ARMC3: variants seen among roughly 807,000 people sequenced by gnomAD.
ARMC3 encodes the protein armadillo repeat containing 3.
ARMC3 carries 74 observed loss-of-function variants against 90.3 expected under a neutral mutation model. That is an observed-to-expected ratio of 0.82 (90% CI 0.68 to 0.99). ARMC3 has a LOEUF of 0.99. ARMC3 is among the 50% of genes least tolerant of loss of function. The pLI, the probability that ARMC3 is intolerant of heterozygous loss-of-function variation, is 0.00. For synonymous variants in ARMC3, 334 were observed against 361.8 expected (o/e 0.92, Z 0.87); for missense variants, 958 against 1,042.8 (o/e 0.92, Z 1.12).
At chr10:23,031,907 C>A (rs1838937282) in intron 17 of ARMC3, among the ~76,000 whole-genome samples, 1 of 151,790 alleles carries the variant, frequency 6.6e-6, no homozygotes. Flanking sequence ...TTTTTTAAAT[C>A]ATTGTTCTTC....
intron 10 of ARMC3, among the ~76,000 whole-genome samples, chr10:22,982,330 C>A (rs7083069): frequency 0.21 from 32,070 of 152,138 alleles, 3,840 homozygotes; most frequent in African/African-American, 0.32. Context: ...GTGAGCCGAG[C>A]TCGTGCCATT....
intron 3 of ARMC3, among the ~76,000 whole-genome samples, chr10:22,951,125 G>T (rs774866730): frequency 2.0e-5 from 3 of 152,092 alleles, no homozygotes; most frequent in African/African-American, 4.8e-5. Context: ...TTTTAGTAGA[G>T]ACAGGGTTTC....
At chr10:22,991,578 A>G (rs1836711110) in intron 10 of ARMC3, among the ~76,000 whole-genome samples, 1 of 152,016 alleles carries the variant, frequency 6.6e-6, no homozygotes, top group South Asian at 2.1e-4. Flanking sequence ...CCTACATTTC[A>G]GTCAGGGAGG....
At chr10:22,935,959 C>T (rs1365567929) in intron 2 of ARMC3, among the ~76,000 whole-genome samples, 1 of 152,112 alleles carries the variant, frequency 6.6e-6, no homozygotes, top group East Asian at 1.9e-4. Flanking sequence ...TGATCTGGGA[C>T]CACTGATGTA....
chr10:22,943,418 T>C (rs1834399849), intron 2 of ARMC3, among the ~76,000 whole-genome samples: 1 of 152,198 alleles, frequency 6.6e-6, no homozygotes, highest in Admixed American at 6.5e-5. Context: ...TTTGGTTACT[T>C]ATTGGTAGCG....
chr10:23,023,395 C>G (rs1278296738), intron 16 of ARMC3, among the ~76,000 whole-genome samples: 1 of 152,090 alleles, frequency 6.6e-6, no homozygotes, highest in African/African-American at 2.4e-5. Context: ...ATAAAGAGAG[C>G]CAGAGTTTCC....
At chr10:23,012,829 C>T (rs868848789) in intron 16 of ARMC3, among the ~76,000 whole-genome samples, 30 of 151,966 alleles carry the variant, frequency 2.0e-4, no homozygotes, top group Middle Eastern at 6.8e-3. Context: ...CTCCCACTTT[C>T]GCATAGCCCT....
chr10:22,979,703 A>T (rs1484735008), intron 8 of ARMC3, among the ~76,000 whole-genome samples: 1 of 152,214 alleles, frequency 6.6e-6, no homozygotes, highest in Non-Finnish European at 1.5e-5. Flanking sequence ...GTGAAAAATA[A>T]TAAGAACCGT....
chr10:22,930,651 A>G (rs1285810280), intron 1 of ARMC3, among the ~76,000 whole-genome samples: 1 of 152,168 alleles, frequency 6.6e-6, no homozygotes, highest in Non-Finnish European at 1.5e-5. Flanking sequence ...TATGTGATAA[A>G]TTCTGGTCAG....
intron 18 of ARMC3, among the ~76,000 whole-genome samples, chr10:23,033,260 A>G (rs973005358): frequency 9.8e-5 from 15 of 152,320 alleles, no homozygotes; most frequent in Admixed American, 9.2e-4. Flanking sequence ...TACTAGAAGC[A>G]TATTTATTCA....
intron 10 of ARMC3, among the ~76,000 whole-genome samples, chr10:22,993,617 G>A (rs555247977): frequency 3.3e-5 from 5 of 152,182 alleles, no homozygotes; most frequent in South Asian, 2.1e-4. Context: ...TCTCAGCACC[G>A]GAAATATAAA....
chr10:22,953,577 C>G (rs923475722), intron 3 of ARMC3, among the ~76,000 whole-genome samples: 5 of 152,094 alleles, frequency 3.3e-5, no homozygotes, highest in African/African-American at 1.2e-4. Flanking sequence ...TTACAACACA[C>G]TTAATGGTAA....
chr10:23,006,623 C>A (rs989318391), intron 13 of ARMC3: 23 of 383,676 alleles, frequency 6.0e-5, no homozygotes, highest in Non-Finnish European at 9.2e-5. Context: ...TTCCAGGGGC[C>A]AAGATGATAA....
chr10:22,975,550 A>G (rs1317239367), intron 8 of ARMC3, among the ~76,000 whole-genome samples: 1 of 152,164 alleles, frequency 6.6e-6, no homozygotes, highest in Non-Finnish European at 1.5e-5. Context: ...GGGCAACAAC[A>G]GAGAAAGTCC....
intron 13 of ARMC3, 52 bp downstream of exon 13, chr10:23,003,466 T>C: frequency 7.2e-7 from 1 of 1,382,964 alleles, no homozygotes; most frequent in African/African-American, 1.5e-5. Flanking sequence ...TAATTTTTCT[T>C]TAATCCTGAT....
intron 18 of ARMC3, among the ~76,000 whole-genome samples, chr10:23,037,026 T>C (rs113043994): frequency 0.021 from 3,176 of 152,316 alleles, 121 homozygotes; most frequent in African/African-American, 0.074. Context: ...ATAGTGTTAC[T>C]ACCTGAAAAA....
intron 16 of ARMC3, among the ~76,000 whole-genome samples, chr10:23,016,947 C>A (rs1588927436): frequency 6.6e-6 from 1 of 152,222 alleles, no homozygotes; most frequent in Admixed American, 6.5e-5. Context: ...TCCAATCTTA[C>A]ACCACCACCT....
At chr10:23,024,393 C>CAGACAGATAG (rs1554787800) in intron 16 of ARMC3, among the ~76,000 whole-genome samples, 38 of 133,540 alleles carry the variant, frequency 2.8e-4, no homozygotes, top group African/African-American at 9.6e-4. Flanking sequence ...AGGAATGCCA[C>CAGACAGATAG]ATAGATAGAT....
At chr10:22,953,913 G>A (rs974419001) in intron 3 of ARMC3, among the ~76,000 whole-genome samples, 3 of 152,170 alleles carry the variant, frequency 2.0e-5, no homozygotes, top group African/African-American at 7.2e-5. Context: ...TATGGTAGGT[G>A]TACATCAACA....
Sources: allele counts gnomAD v4.1 joint callset (sites outside exome capture counted in the v4.1 genomes callset), GRCh38; gene constraint gnomAD v4.1.1; transcripts MANE v1.5; gene names NCBI Gene and HGNC (gene_info 2026-07-23, HGNC 2026-07-21).